Variants in CTNND2 observed in about 807,000 individuals in gnomAD.
The protein encoded by CTNND2 is catenin delta 2, also known as catenin delta-2.
Under a neutral mutation model 144.4 loss-of-function variants are expected in CTNND2, and 22 were observed. The ratio of observed to expected loss-of-function variants is 0.15; its 90% confidence interval spans 0.11 to 0.22. CTNND2 has a LOEUF of 0.22. Among genes scored for constraint, CTNND2 ranks in the 10% least tolerant of loss-of-function variants. The pLI is 1.00. For synonymous variants in CTNND2, 751 were observed against 695.6 expected (o/e 1.08, Z -1.25); for missense variants, 1,353 against 1,618.8 (o/e 0.84, Z 2.82).
At chr5:11,265,939 T>C (rs1202912090) in intron 9 of CTNND2, among the ~76,000 whole-genome samples, 1 of 152,070 alleles carries the variant, frequency 6.6e-6, no homozygotes, top group Non-Finnish European at 1.5e-5. Context: ...CTGGAACTCC[T>C]GACCTTGTGA....
chr5:11,114,696 T>C (rs990448795), intron 13 of CTNND2, among the ~76,000 whole-genome samples: 1 of 152,172 alleles, frequency 6.6e-6, no homozygotes, highest in Admixed American at 6.5e-5. Context: ...CTCCACTATA[T>C]GTTATCCAGT....
At chr5:11,775,421 G>T (rs1790198015) in intron 1 of CTNND2, among the ~76,000 whole-genome samples, 1 of 152,184 alleles carries the variant, frequency 6.6e-6, no homozygotes, top group Non-Finnish European at 1.5e-5. Context: ...CTGAGGATAA[G>T]ACGAGAGAAG....
intron 16 of CTNND2, among the ~76,000 whole-genome samples, chr5:11,053,554 A>G (rs1344821274): frequency 6.6e-6 from 1 of 152,214 alleles, no homozygotes; most frequent in Non-Finnish European, 1.5e-5. Context: ...GCTAATGGGT[A>G]TTAAAGACGC....
At chr5:11,138,460 G>A (rs560625642) in intron 12 of CTNND2, among the ~76,000 whole-genome samples, 14 of 152,270 alleles carry the variant, frequency 9.2e-5, no homozygotes, top group South Asian at 2.1e-4. Flanking sequence ...ACCATTCTGC[G>A]AGGACACGTG....
At chr5:11,171,351 A>G (rs2149786702) in intron 11 of CTNND2, among the ~76,000 whole-genome samples, 1 of 152,308 alleles carries the variant, frequency 6.6e-6, no homozygotes, top group East Asian at 1.9e-4. Flanking sequence ...ATTGTTTCTT[A>G]CAGACATTCT....
intron 15 of CTNND2, among the ~76,000 whole-genome samples, chr5:11,088,212 C>G (rs1750382297): frequency 6.6e-6 from 1 of 152,104 alleles, no homozygotes; most frequent in Non-Finnish European, 1.5e-5. Context: ...TGGTATGAGA[C>G]TCAGGCTGCC....
intron 10 of CTNND2, among the ~76,000 whole-genome samples, chr5:11,205,153 A>G (rs567976891): frequency 2.6e-5 from 4 of 152,338 alleles, no homozygotes; most frequent in African/African-American, 9.6e-5. Flanking sequence ...AATTTTAATA[A>G]TAGTGTGCAA....
intron 2 of CTNND2, among the ~76,000 whole-genome samples, chr5:11,670,621 T>G (rs757463799): frequency 1.3e-5 from 2 of 152,138 alleles, no homozygotes; most frequent in Non-Finnish European, 1.5e-5. Flanking sequence ...TCTTCCTCCA[T>G]CCCTTTATTT....
chr5:11,901,307 A>G (rs1472301162), intron 1 of CTNND2, among the ~76,000 whole-genome samples: 1 of 152,266 alleles, frequency 6.6e-6, no homozygotes, highest in African/African-American at 2.4e-5. Context: ...TACACTGCAT[A>G]TTCAACTAAA....
intron 9 of CTNND2, among the ~76,000 whole-genome samples, chr5:11,260,433 A>G (rs911047594): frequency 5.9e-5 from 9 of 152,078 alleles, no homozygotes; most frequent in Non-Finnish European, 8.8e-5. Flanking sequence ...AAACCCAATG[A>G]AAAAAAACCA....
intron 6 of CTNND2, among the ~76,000 whole-genome samples, chr5:11,386,423 T>C (rs781713044): frequency 2.0e-5 from 3 of 152,196 alleles, no homozygotes; most frequent in African/African-American, 4.8e-5. Flanking sequence ...CGTTCTGGAA[T>C]GGCAATTGGC....
intron 3 of CTNND2, among the ~76,000 whole-genome samples, chr5:11,420,497 T>C (rs1296083766): frequency 6.6e-6 from 1 of 152,150 alleles, no homozygotes. Context: ...CAAAATAAAA[T>C]GCCCTTAGCC....
chr5:11,698,987 A>T (rs1785272644), intron 2 of CTNND2, among the ~76,000 whole-genome samples: 1 of 150,158 alleles, frequency 6.7e-6, no homozygotes, highest in African/African-American at 2.4e-5. Context: ...AAAACATTAA[A>T]ATATTACAAT....
At chr5:11,668,514 CT>C (rs1783697414) in intron 2 of CTNND2, among the ~76,000 whole-genome samples, 1 of 152,064 alleles carries the variant, frequency 6.6e-6, no homozygotes, top group Non-Finnish European at 1.5e-5. Context: ...GTATTTCATT[CT>C]CTTTGCAGCA....
At chr5:11,434,114 T>C (rs1381601171) in intron 3 of CTNND2, among the ~76,000 whole-genome samples, 1 of 152,188 alleles carries the variant, frequency 6.6e-6, no homozygotes, top group East Asian at 1.9e-4. Context: ...CTGTAGTATA[T>C]TTATACAATA....
chr5:11,358,499 T>C (rs1008430847), intron 8 of CTNND2, among the ~76,000 whole-genome samples: 2 of 152,202 alleles, frequency 1.3e-5, no homozygotes, highest in African/African-American at 4.8e-5. Flanking sequence ...AGAATCTTAT[T>C]TGACTTGCTC....
intron 8 of CTNND2, among the ~76,000 whole-genome samples, chr5:11,355,740 T>C (rs1222124364): frequency 1.3e-5 from 2 of 152,204 alleles, no homozygotes; most frequent in East Asian, 1.9e-4. Flanking sequence ...GAAAGTCAAA[T>C]TGTCTCTGTT....
intron 3 of CTNND2, among the ~76,000 whole-genome samples, chr5:11,481,611 G>A (rs1768271257): frequency 1.3e-5 from 2 of 151,980 alleles, no homozygotes; most frequent in Admixed American, 1.3e-4. Context: ...GAGAGGGAGA[G>A]GGAGGGAGAG....
intron 9 of CTNND2, among the ~76,000 whole-genome samples, chr5:11,272,213 A>G (rs1746098919): frequency 6.6e-6 from 1 of 152,130 alleles, no homozygotes; most frequent in East Asian, 1.9e-4. Flanking sequence ...TTTGTGATAG[A>G]ATTCTGTCCT....
Sources: allele counts gnomAD v4.1 joint callset (sites outside exome capture counted in the v4.1 genomes callset), GRCh38; gene constraint gnomAD v4.1.1; transcripts MANE v1.5; gene names NCBI Gene and HGNC (gene_info 2026-07-23, HGNC 2026-07-21).